Variants in SRGAP1 observed in about 807,000 individuals in gnomAD.
SRGAP1 encodes SLIT-ROBO Rho GTPase-activating protein 1.
SRGAP1 carries 43 observed loss-of-function variants against 121.9 expected under a neutral mutation model. The ratio of observed to expected loss-of-function variants is 0.35; its 90% CI spans 0.28 to 0.46. The LOEUF is 0.46. Among genes scored for constraint, SRGAP1 ranks in the 20% least tolerant of loss-of-function variants. The pLI is 1.00. For synonymous variants in SRGAP1, 447 were observed against 485.4 expected (o/e 0.92, Z 1.04); for missense variants, 1,102 against 1,350.9 (o/e 0.82, Z 2.89).
chr12:64,058,801 C>T (rs1565661132), intron 6 of SRGAP1, among the ~76,000 whole-genome samples: 1 of 106,038 alleles, frequency 9.4e-6, no homozygotes, highest in Non-Finnish European at 2.1e-5. Context: ...AGTGTCATTT[C>T]AGTTTCTAGT....
At chr12:64,141,802 T>C (rs1212287661) in intron 21 of SRGAP1, among the ~76,000 whole-genome samples, 1 of 151,946 alleles carries the variant, frequency 6.6e-6, no homozygotes, top group Non-Finnish European at 1.5e-5. Flanking sequence ...AATGTAAATA[T>C]TAGCCAGCTG....
chr12:64,149,592 G>A lies in SRGAP1; in HGVS notation c.*6920G>A, dbSNP rs78247250. ...GCCTGCCTCCCCATCTCTCACTCCC[G>A]AACCAGAGTCCCAACGGGGTGTAAC... On this transcript the variant is annotated 3_prime_UTR_variant, in exon 22 of 22. Transcript: ENST00000355086. 2.6e-5 allele frequency: 4 copies of A among 152,306 alleles called. No homozygotes were observed. The highest frequency in any genetic ancestry group is 2.1e-4 in the South Asian group (1 of 4,820). The allele number at this position is 152,306 out of a possible 1,614,324, so 9.4% of individuals were successfully genotyped here. A position where few individuals can be genotyped will look rare whatever the true frequency, so the allele number is the denominator to read the frequency against.
At chr12:64,070,875 G>C (rs2035624505) in intron 8 of SRGAP1, among the ~76,000 whole-genome samples, 2 of 152,102 alleles carry the variant, frequency 1.3e-5, no homozygotes, top group Non-Finnish European at 1.5e-5. Flanking sequence ...CAGAATCCCA[G>C]GTCATGTAAG....
chr12:64,025,376 C>T (rs2034631561), intron 4 of SRGAP1, among the ~76,000 whole-genome samples: 1 of 152,058 alleles, frequency 6.6e-6, no homozygotes, highest in Non-Finnish European at 1.5e-5. Context: ...ATACTTGCCA[C>T]CTCATATCGG....
chr12:64,102,988 T>TA (rs1244391772), intron 15 of SRGAP1, among the ~76,000 whole-genome samples: 2 of 152,118 alleles, frequency 1.3e-5, no homozygotes, highest in South Asian at 2.1e-4. Flanking sequence ...AAGCTGTTGT[T>TA]AAAAAAATTG....
chr12:63,895,296 T>A (rs1384311049), intron 1 of SRGAP1, among the ~76,000 whole-genome samples: 1 of 152,160 alleles, frequency 6.6e-6, no homozygotes, highest in Non-Finnish European at 1.5e-5. Context: ...CAAAGTATAT[T>A]TCTTGGTACA....
intron 10 of SRGAP1, 140 bp from the exon 11 acceptor site, chr12:64,086,859 T>C: frequency 1.6e-6 from 1 of 622,164 alleles, no homozygotes; most frequent in South Asian, 2.0e-5. Context: ...TCATATGCTA[T>C]CCTCATGTTT....
intron 1 of SRGAP1, among the ~76,000 whole-genome samples, chr12:63,848,435 T>C (rs1898974277): frequency 6.6e-6 from 1 of 152,194 alleles, no homozygotes; most frequent in African/African-American, 2.4e-5. Flanking sequence ...TATAAGATCA[T>C]AGATGTATCT....
At chr12:63,867,617 T>C (rs1266001866) in intron 1 of SRGAP1, among the ~76,000 whole-genome samples, 1 of 152,154 alleles carries the variant, frequency 6.6e-6, no homozygotes, top group Non-Finnish European at 1.5e-5. Context: ...TATAAGATTA[T>C]TATGAGGATT....
intron 1 of SRGAP1, among the ~76,000 whole-genome samples, chr12:63,866,830 T>C (rs1481397687): frequency 6.6e-6 from 1 of 151,856 alleles, no homozygotes; most frequent in Non-Finnish European, 1.5e-5. Context: ...GTTACCAGTC[T>C]CTGGGGAGAT....
At chr12:64,105,936 C>A (rs1236591523) in intron 15 of SRGAP1, among the ~76,000 whole-genome samples, 1 of 152,112 alleles carries the variant, frequency 6.6e-6, no homozygotes, top group East Asian at 1.9e-4. Context: ...ACATCCTTTC[C>A]TTTCCTTTTG....
intron 1 of SRGAP1, among the ~76,000 whole-genome samples, chr12:63,907,059 C>G (rs962227004): frequency 5.3e-5 from 8 of 152,112 alleles, no homozygotes; most frequent in Non-Finnish European, 1.0e-4. Flanking sequence ...TCTCCACATC[C>G]TCACCACTAC....
At chr12:63,968,593 T>C (rs1216325226) in intron 1 of SRGAP1, among the ~76,000 whole-genome samples, 2 of 152,166 alleles carry the variant, frequency 1.3e-5, no homozygotes, top group Non-Finnish European at 2.9e-5. Flanking sequence ...CCCTGCTCCA[T>C]GTGTAAGGCT....
intron 1 of SRGAP1, among the ~76,000 whole-genome samples, chr12:63,947,511 A>G (rs2032088412): frequency 6.6e-6 from 1 of 152,242 alleles, no homozygotes; most frequent in South Asian, 2.1e-4. Context: ...TTTTTTAAAT[A>G]TGTGGATACC....
chr12:64,065,131 G>T lies in SRGAP1; in HGVS notation c.1037G>T (p.Ser346Ile). ...ATTCTCCATCAGGTGTGCCAGGTCA[G>T]TGCCCAGCAGCCAGTCCAGGCAGAG... ...SHMGDEVCQV[S>I]AQQPVQAELM... Residue 346 changes from serine to isoleucine, a missense_variant, in exon 8 of 22, where the codon AGT becomes ATT. Ser to Ile is a moderately radical substitution (Grantham distance 142). Transcript: ENST00000355086. 2 of 1,613,186 alleles carry T rather than the reference G, an allele frequency of 1.2e-6. No individual in the cohort carries two copies. The highest frequency in any genetic ancestry group is 1.7e-6 in the Non-Finnish European group (2 of 1,179,764).
At chr12:64,114,701 G>C (rs1434063855) in intron 17 of SRGAP1, among the ~76,000 whole-genome samples, 1 of 152,100 alleles carries the variant, frequency 6.6e-6, no homozygotes, top group Non-Finnish European at 1.5e-5. Context: ...CTGCTGTCTT[G>C]TTCATTTTAT....
rs1371081516 is a variant in SRGAP1, at chr12:64,154,306, A to C, written c.*11634A>C. 1 of 152,202 alleles carries C rather than the reference A, an allele frequency of 6.6e-6. No individual in the cohort carries two copies. The highest frequency in any genetic ancestry group is 1.5e-5 in the Non-Finnish European group (1 of 68,044). The allele number at this position is 152,202 out of a possible 1,614,324, so 9.4% of individuals were successfully genotyped here. A position where few individuals can be genotyped will look rare whatever the true frequency, so the allele number is the denominator to read the frequency against. ...ATGTAATTTTTTAACCACAATTTTA[A>C]ACATCACTGTAGATGTTGTAGTTGT... On this transcript the variant is annotated 3_prime_UTR_variant, in exon 22 of 22. Transcript: ENST00000355086.
At chr12:64,092,604 C>T (rs2136586165) in intron 12 of SRGAP1, among the ~76,000 whole-genome samples, 1 of 152,226 alleles carries the variant, frequency 6.6e-6, no homozygotes, top group Admixed American at 6.5e-5. Context: ...TACAGATCTA[C>T]TGCCTTAAGC....
rs919321152 is a variant in SRGAP1, at chr12:64,147,152, G to C, written c.*4480G>C. 24 of 214,258 alleles carry C rather than the reference G, an allele frequency of 1.1e-4. No individual in the cohort carries two copies. Among genetic ancestry groups the C allele is most frequent in the African/African-American group, 5.3e-4 (23 of 43,800 alleles). 13.3% of individuals were successfully genotyped at this position (214,258 alleles called of 1,614,324 possible). A position where few individuals can be genotyped will look rare whatever the true frequency, so the allele number is the denominator to read the frequency against. On this transcript the variant is annotated 3_prime_UTR_variant, in exon 22 of 22. Transcript: ENST00000355086. ...ACAGGAGAGACTGCTGTTTACCTACGTACTGAAGGGTAACTGCTGCCCGCG... is the reference window on the plus strand; with the variant it reads ...ACAGGAGAGACTGCTGTTTACCTACCTACTGAAGGGTAACTGCTGCCCGCG...
Sources: gnomAD v4.1 joint callset for allele counts (sites outside exome capture counted in the v4.1 genomes callset) on GRCh38, gnomAD v4.1.1 for gene constraint, MANE v1.5 for transcripts, NCBI Gene and HGNC (gene_info 2026-07-23, HGNC 2026-07-21) for gene names.